Variants in ATG7 observed in about 807,000 individuals in gnomAD.
ATG7 encodes the protein ubiquitin-like modifier-activating enzyme ATG7.
ATG7 carries 70 observed loss-of-function variants against 82.4 expected under a neutral mutation model. That is an observed-to-expected ratio of 0.85 (90% CI 0.70 to 1.04). ATG7 has a LOEUF of 1.04. ATG7 is among the 50% of genes least tolerant of loss of function. The pLI, the probability that ATG7 is intolerant of heterozygous loss-of-function variation, is 0.00. For missense variants in ATG7, 792 were observed against 864.3 expected (o/e 0.92, Z 1.05); for synonymous variants, 287 against 313.0 (o/e 0.92, Z 0.88).
intron 19 of ATG7, among the ~76,000 whole-genome samples, chr3:11,383,413 G>A (rs547012622): frequency 1.3e-5 from 2 of 152,252 alleles, no homozygotes; most frequent in Admixed American, 6.5e-5. Flanking sequence ...GTCTCCTCAT[G>A]TCAGGAGTTA....
chr3:11,365,906 C>G (rs2076573226), intron 18 of ATG7, among the ~76,000 whole-genome samples: 1 of 152,096 alleles, frequency 6.6e-6, no homozygotes, highest in African/African-American at 2.4e-5. Flanking sequence ...CCCCAGCCCC[C>G]TTGCACAAAA....
chr3:11,563,682 AC>A, the ATG7 span, among the ~76,000 whole-genome samples: 1 of 152,082 alleles, frequency 6.6e-6, no homozygotes, highest in Admixed American at 6.5e-5. Context: ...CCAGACTAAA[AC>A]TGAGCGTGCT....
At position 11,299,095 on chromosome 3, in the gene ATG7, C is replaced by T. The variant is rs1946389925; in HGVS notation, c.160+240C>T. 3.8e-5 allele frequency: 23 copies of T among 601,806 alleles called. No individual in the cohort carries two copies. The South Asian group carries it at 5.1e-4, about 13-fold the overall frequency. The allele number at this position is 601,806 out of a possible 1,614,324, so 37.3% of individuals were successfully genotyped here. ...TTATTAATCCAAATAATACCCATTA[C>T]TTAGCATTGCTGTGGGAAGAGATTG... On this transcript the variant is annotated intron_variant, in intron 4 of 20. Coordinates refer to ENST00000693202, the MANE Select transcript of ATG7 (RefSeq NM_001349232.2).
At chr3:11,272,830 C>T (rs1940778554) in intron 1 of ATG7, 1 of 152,202 alleles carries the variant, frequency 6.6e-6, no homozygotes. Flanking sequence ...AGCTGCTTTT[C>T]CATCTGCAAA....
At chr3:11,483,185 T>C (rs765429195) in intron 20 of ATG7, among the ~76,000 whole-genome samples, 7 of 152,002 alleles carry the variant, frequency 4.6e-5, no homozygotes, top group Non-Finnish European at 1.0e-4. Flanking sequence ...ATTCTCCCCG[T>C]CCCCCTGCCC....
intron 10 of ATG7, among the ~76,000 whole-genome samples, chr3:11,331,968 AATGTT>A (rs1349810037): frequency 6.6e-6 from 1 of 152,204 alleles, no homozygotes; most frequent in Non-Finnish European, 1.5e-5. Context: ...CTGCTGGAAA[AATGTT>A]GGGCAGTATC....
At chr3:11,500,820 G>A (rs2091267476) in intron 20 of ATG7, among the ~76,000 whole-genome samples, 1 of 152,186 alleles carries the variant, frequency 6.6e-6, no homozygotes, top group Non-Finnish European at 1.5e-5. Flanking sequence ...TACTAGAGAC[G>A]GGGTTTCACC....
chr3:11,456,036 AT>A (rs565151670), intron 20 of ATG7, among the ~76,000 whole-genome samples: 5 of 152,038 alleles, frequency 3.3e-5, no homozygotes, highest in African/African-American at 9.7e-5. Context: ...CAGTTCAATA[AT>A]TTTTTTTAAT....
chr3:11,424,934 C>T lies in ATG7; in HGVS notation c.1957-1870C>T, dbSNP rs957678013. ...TTTTGGAAAACAATTTGTGTCAGTACTATAGACCTGCCTCATTCTTTTAAT... is the reference window on the plus strand; with the variant it reads ...TTTTGGAAAACAATTTGTGTCAGTATTATAGACCTGCCTCATTCTTTTAAT... On this transcript the variant is annotated intron_variant, in intron 19 of 20. Transcript: ENST00000693202. Among the ~76,000 whole-genome samples, 6 of 152,124 alleles carry T rather than the reference C, an allele frequency of 3.9e-5. No homozygotes were observed. The East Asian group carries it at 1.2e-3, about 29-fold the overall frequency.
At chr3:11,378,383 A>G (rs953083260) in intron 18 of ATG7, among the ~76,000 whole-genome samples, 1 of 151,302 alleles carries the variant, frequency 6.6e-6, no homozygotes, top group Non-Finnish European at 1.5e-5. Flanking sequence ...CAAGTGTTTG[A>G]TAGAAATGAT....
intron 20 of ATG7, chr3:11,510,309 G>T: frequency 2.2e-6 from 1 of 455,756 alleles, no homozygotes; most frequent in South Asian, 1.6e-5. Context: ...ACAATTCCTT[G>T]CATTCATACT....
In ATG7 at chr3:11,557,086, C is replaced by T. The variant is rs764367995; in HGVS notation, c.*2243C>T. 2.6e-5 allele frequency: 4 copies of T among 152,454 alleles called. No individual in the cohort carries two copies. The highest frequency in any genetic ancestry group is 1.9e-4 in the East Asian group (1 of 5,308). The allele number at this position is 152,454 out of a possible 1,614,324, so 9.4% of individuals were successfully genotyped here. On this transcript the variant is annotated 3_prime_UTR_variant, in exon 21 of 21. Transcript: ENST00000693202. ...ACGTCACCTGGTCAGGTGCCATCGT[C>T]GTGAGCCTCTGGTGGGCCAGGTGGG...
intron 19 of ATG7, among the ~76,000 whole-genome samples, chr3:11,389,672 A>C (rs1324661893): frequency 2.0e-5 from 3 of 152,190 alleles, no homozygotes; most frequent in Non-Finnish European, 1.5e-5. Context: ...TCTTCTTGAC[A>C]GTACACAAGG....
At chr3:11,304,274 A>C (rs984327170) in intron 5 of ATG7, among the ~76,000 whole-genome samples, 4 of 152,202 alleles carry the variant, frequency 2.6e-5, no homozygotes, top group Non-Finnish European at 4.4e-5. Context: ...AGCACCCAAC[A>C]CAGATCTGGG....
At chr3:11,538,759 A>G (rs558082063) in intron 20 of ATG7, among the ~76,000 whole-genome samples, 197 of 146,480 alleles carry the variant, frequency 1.3e-3, no homozygotes, top group African/African-American at 4.6e-3. Flanking sequence ...CTGTGGTTGC[A>G]GCTACCCAGG....
chr3:11,333,388 T>G (rs1220366754), intron 11 of ATG7, among the ~76,000 whole-genome samples: 1 of 152,230 alleles, frequency 6.6e-6, no homozygotes, highest in Non-Finnish European at 1.5e-5. Flanking sequence ...ACACAAAATC[T>G]TTATTCCTGT....
At chr3:11,297,975 TAGAAAAA>T (rs751224905) in intron 3 of ATG7, among the ~76,000 whole-genome samples, 11 of 152,094 alleles carry the variant, frequency 7.2e-5, no homozygotes, top group Non-Finnish European at 1.5e-4. Context: ...AAAGGTTACT[TAGAAAAA>T]TCACTGTGTC....
intron 6 of ATG7, among the ~76,000 whole-genome samples, 164 bp downstream of exon 6, chr3:11,307,224 G>T (rs1344824194): frequency 2.6e-5 from 4 of 152,216 alleles, no homozygotes; most frequent in Non-Finnish European, 5.9e-5. Flanking sequence ...ACTCCCAGCT[G>T]TCTCCTTCTG....
At chr3:11,480,584 A>AT (rs2088841868) in intron 20 of ATG7, among the ~76,000 whole-genome samples, 2 of 152,246 alleles carry the variant, frequency 1.3e-5, no homozygotes, top group African/African-American at 4.8e-5. Flanking sequence ...AACAGACAAA[A>AT]AAACCTTACA....
Sources: allele counts gnomAD v4.1 joint callset (sites outside exome capture counted in the v4.1 genomes callset), GRCh38; gene constraint gnomAD v4.1.1; transcripts MANE v1.5; gene names NCBI Gene and HGNC (gene_info 2026-07-23, HGNC 2026-07-21).